Variants in CDC73 observed in about 807,000 individuals in gnomAD.
CDC73 encodes the protein parafibromin.
Under a neutral mutation model 83.7 loss-of-function variants are expected in CDC73, and 21 were observed. That is an observed-to-expected ratio of 0.25 (90% CI 0.18 to 0.36). The LOEUF (loss-of-function observed/expected upper bound fraction) is 0.36, where lower values mean the gene tolerates loss of function less well. CDC73 is among the 10% of genes least tolerant of loss of function. The pLI, the probability that CDC73 is intolerant of heterozygous loss-of-function variation, is 1.00. For missense variants in CDC73, 342 were observed against 653.3 expected (o/e 0.52, Z 5.19); for synonymous variants, 224 against 212.9 (o/e 1.05, Z -0.45).
chr1:193,220,145 T>C, intron 13 of CDC73, among the ~76,000 whole-genome samples: 1 of 148,512 alleles, frequency 6.7e-6, no homozygotes, highest in East Asian at 2.0e-4. Context: ...CTCAGTAAAG[T>C]AACAATGATA....
At chr1:193,211,430 A>G (rs1225448653) in intron 11 of CDC73, among the ~76,000 whole-genome samples, 1 of 152,082 alleles carries the variant, frequency 6.6e-6, no homozygotes, top group African/African-American at 2.4e-5. Flanking sequence ...TTTTCTCTTC[A>G]ACTTAGTAGT....
chr1:193,224,428 A>G (rs751903185), intron 13 of CDC73, among the ~76,000 whole-genome samples: 9 of 152,146 alleles, frequency 5.9e-5, no homozygotes, highest in Non-Finnish European at 1.0e-4. Context: ...ATGCATTCAC[A>G]TATACACATA....
At chr1:193,170,770 C>G (rs986438987) in intron 10 of CDC73, among the ~76,000 whole-genome samples, 2 of 152,168 alleles carry the variant, frequency 1.3e-5, no homozygotes, top group African/African-American at 4.8e-5. Flanking sequence ...TGCAGAATCT[C>G]TTTTGCTTAG....
intron 10 of CDC73, among the ~76,000 whole-genome samples, chr1:193,194,379 C>CT (rs1477801487): frequency 6.6e-6 from 1 of 152,164 alleles, no homozygotes; most frequent in Non-Finnish European, 1.5e-5. Flanking sequence ...AAAGCTGGAA[C>CT]ATAGCTCTTA....
chr1:193,180,241 A>G (rs956437574), intron 10 of CDC73: 32 of 1,468,292 alleles, frequency 2.2e-5, no homozygotes, highest in Non-Finnish European at 2.8e-5. Flanking sequence ...TTCTAACTAT[A>G]CATGCTTTTA....
At chr1:193,230,146 T>C (rs1036561060) in intron 13 of CDC73, among the ~76,000 whole-genome samples, 1 of 150,050 alleles carries the variant, frequency 6.7e-6, no homozygotes, top group Non-Finnish European at 1.5e-5. Context: ...TCCCATTCTT[T>C]TTTTTTTTTT....
intron 10 of CDC73, chr1:193,181,358 A>G (rs1459891802): frequency 1.2e-6 from 2 of 1,613,882 alleles, no homozygotes; most frequent in Non-Finnish European, 1.7e-6. Context: ...CTTTTTGTTG[A>G]CCGAAATCCT....
At chr1:193,216,259 A>T (rs1677365104) in intron 13 of CDC73, among the ~76,000 whole-genome samples, 1 of 152,204 alleles carries the variant, frequency 6.6e-6, no homozygotes, top group Admixed American at 6.5e-5. Context: ...TGACAAAGGG[A>T]CATTACCACC....
At chr1:193,193,684 CT>C (rs1257384254) in intron 10 of CDC73, among the ~76,000 whole-genome samples, 1 of 151,684 alleles carries the variant, frequency 6.6e-6, no homozygotes, top group Non-Finnish European at 1.5e-5. Flanking sequence ...TTTCTCTCAC[CT>C]TTGAGTTTTA....
intron 10 of CDC73, among the ~76,000 whole-genome samples, chr1:193,153,692 T>A (rs899745485): frequency 6.6e-6 from 1 of 152,260 alleles, no homozygotes; most frequent in African/African-American, 2.4e-5. Context: ...TACTTGTTTT[T>A]AAATTGTCAT....
intron 11 of CDC73, among the ~76,000 whole-genome samples, 195 bp from the exon 12 acceptor site, chr1:193,211,870 C>T (rs1300603355): frequency 1.3e-5 from 2 of 152,154 alleles, no homozygotes; most frequent in Non-Finnish European, 2.9e-5. Context: ...TTCCTTTTGA[C>T]TACAGATTGT....
chr1:193,139,243 T>C (rs1286828787), intron 6 of CDC73, among the ~76,000 whole-genome samples: 23 of 152,034 alleles, frequency 1.5e-4, no homozygotes, highest in Admixed American at 1.5e-3. Context: ...TCTCCAGCAT[T>C]GTAGTTTTCA....
rs562652163 is a variant in CDC73, at chr1:193,125,017, CATT to C, written c.132-94_132-92del. The C allele has an allele frequency of 4.9e-3, 3,647 of 745,736 alleles. 21 individuals carry two copies. The highest frequency in any genetic ancestry group is 6.8e-3 in the Non-Finnish European group (2,751 of 402,972). 46.2% of individuals were successfully genotyped at this position (745,736 alleles called of 1,614,324 possible). On this transcript the variant is annotated intron_variant, in intron 1 of 16. Coordinates refer to ENST00000367435, the MANE Select transcript of CDC73 (RefSeq NM_024529.5). ...TTTTTTTTGTTAGCTATGTTAAACT[CATT>C]GTTGTTAGCAAAGTTGTTTATATAA...
At chr1:193,250,581 AAGT>A in intron 16 of CDC73, 92 bp from the exon 17 acceptor site, 1 of 867,174 alleles carries the variant, frequency 1.2e-6, no homozygotes, top group Middle Eastern at 2.3e-4. Context: ...TGTTGATTTT[AAGT>A]TTTAAGAAAT....
chr1:193,154,423 A>C (rs1676173638), intron 10 of CDC73, among the ~76,000 whole-genome samples: 2 of 152,196 alleles, frequency 1.3e-5, no homozygotes, highest in Admixed American at 1.3e-4. Context: ...GATCAGTATG[A>C]GAATGATGTG....
chr1:193,131,403 C>T (rs1451518651), intron 3 of CDC73, among the ~76,000 whole-genome samples: 1 of 152,126 alleles, frequency 6.6e-6, no homozygotes, highest in Admixed American at 6.5e-5. Context: ...TTCTACCTGC[C>T]CTATTTCATC....
chr1:193,228,982 A>G (rs1037568109), intron 13 of CDC73, among the ~76,000 whole-genome samples: 2 of 152,182 alleles, frequency 1.3e-5, no homozygotes, highest in African/African-American at 4.8e-5. Context: ...AACAAGGTAT[A>G]CAAATGGCCA....
chr1:193,180,585 C>G, intron 10 of CDC73: 1 of 1,614,096 alleles, frequency 6.2e-7, no homozygotes, highest in Non-Finnish European at 8.5e-7. Flanking sequence ...CTTTAAAAAT[C>G]TTTTCTGCCA....
intron 15 of CDC73, among the ~76,000 whole-genome samples, chr1:193,246,516 A>T (rs1041496071): frequency 6.6e-6 from 1 of 152,142 alleles, no homozygotes; most frequent in Non-Finnish European, 1.5e-5. Flanking sequence ...TACAAAAACC[A>T]CTAGCACTGT....
Sources: gnomAD v4.1 joint callset for allele counts (sites outside exome capture counted in the v4.1 genomes callset) on GRCh38, gnomAD v4.1.1 for gene constraint, MANE v1.5 for transcripts, NCBI Gene and HGNC (gene_info 2026-07-23, HGNC 2026-07-21) for gene names.